The following CREM variants were observed in gnomAD, a reference collection of about 807,000 sequenced individuals.
CREM encodes the protein cAMP-responsive element modulator.
A neutral mutation model predicts 37.3 loss-of-function variants in CREM; 13 were observed. That is an observed-to-expected ratio of 0.35 (90% confidence interval 0.23 to 0.55). The LOEUF (loss-of-function observed/expected upper bound fraction) is 0.55, where lower values mean the gene tolerates loss of function less well. CREM is among the 20% of genes least tolerant of loss of function. The pLI is 0.88. For synonymous variants in CREM, 124 were observed against 120.2 expected (o/e 1.03, Z -0.21); for missense variants, 296 against 362.3 (o/e 0.82, Z 1.49).
chr10:35,198,250 C>T (rs1011835354), intron 6 of CREM, among the ~76,000 whole-genome samples: 1 of 152,166 alleles, frequency 6.6e-6, no homozygotes, highest in Admixed American at 6.5e-5. Flanking sequence ...ACTGGCCGGG[C>T]GCGGTGGCTC....
intron 5 of CREM, among the ~76,000 whole-genome samples, chr10:35,185,846 C>T (rs1007859691): frequency 6.6e-6 from 1 of 152,174 alleles, no homozygotes; most frequent in African/African-American, 2.4e-5. Flanking sequence ...ACAGAGAACG[C>T]AGCATGTGGA....
intron 6 of CREM, chr10:35,195,768 C>A: frequency 2.1e-6 from 1 of 469,478 alleles, no homozygotes; most frequent in South Asian, 2.5e-5. Flanking sequence ...TAATTGAGTT[C>A]AAAAGGCTGA....
intron 6 of CREM, among the ~76,000 whole-genome samples, chr10:35,192,371 CAG>C (rs2094953624): frequency 6.6e-6 from 1 of 152,122 alleles, no homozygotes; most frequent in Non-Finnish European, 1.5e-5. Flanking sequence ...TGTTTTGAGA[CAG>C]AGTCTCACTC....
chr10:35,191,687 T>A (rs1368056584), intron 6 of CREM, among the ~76,000 whole-genome samples: 1 of 152,128 alleles, frequency 6.6e-6, no homozygotes, highest in African/African-American at 2.4e-5. Context: ...TGCTCTTCTC[T>A]CTCTGCTGCT....
chr10:35,128,212 C>A lies in CREM; in HGVS notation c.-55+1019C>A, dbSNP rs143237887. 2.0e-5 allele frequency among the ~76,000 whole-genome samples: 3 copies of A among 152,282 alleles called. No individual in the cohort carries two copies. In the East Asian group the frequency reaches 5.8e-4, roughly 29 times the overall value. On this transcript the variant is annotated intron_variant, in intron 1 of 7. Transcript: ENST00000685392. Reference sequence around the variant, plus strand: ...GAGTTTGAAATCACTTAGGGGTTTCCTGCATGCTGCTCAGTGAAGCAGCGG... The same window carrying A: ...GAGTTTGAAATCACTTAGGGGTTTCATGCATGCTGCTCAGTGAAGCAGCGG...
chr10:35,153,425 A>G (rs1467863558), intron 3 of CREM, among the ~76,000 whole-genome samples: 1 of 152,194 alleles, frequency 6.6e-6, no homozygotes, highest in Non-Finnish European at 1.5e-5. Flanking sequence ...TTCTTATATA[A>G]CAAAATGTCA....
At chr10:35,143,327 A>T (rs1334845691) in intron 2 of CREM, among the ~76,000 whole-genome samples, 1 of 152,174 alleles carries the variant, frequency 6.6e-6, no homozygotes, top group East Asian at 1.9e-4. Flanking sequence ...AAGTGAAGAA[A>T]GGGGGAGGCA....
chr10:35,211,280 A>G lies in CREM; in HGVS notation c.782A>G (p.Lys261Arg), dbSNP rs1290272973. 1 of 1,613,924 alleles carries G rather than the reference A, an allele frequency of 6.2e-7. No individual in the cohort carries two copies. The highest frequency in any genetic ancestry group is 1.7e-5 in the Admixed American group (1 of 59,986). ...GAAGCTGCCCGGGAGTGTCGCAGGA[A>G]GAAGAAAGAATATGTCAAATGTCTT... Reference protein sequence around the residue: ...NREAARECRRKKKEYVKCLEN... With the variant: ...NREAARECRRRKKEYVKCLEN... The change falls in exon 8 of 8, where the codon AAG (lysine) becomes AGG (arginine). Residue 261 changes from lysine (K) to arginine (R), a missense_variant. Lys to Arg is a conservative substitution (Grantham distance 26). Around this residue, in one of 2 missense-constraint regions of CREM, gnomAD observed 39 missense variants for 82.0 expected, o/e 0.48. Coordinates refer to ENST00000685392, the MANE Select transcript of CREM (RefSeq NM_183011.2).
intron 2 of CREM, among the ~76,000 whole-genome samples, chr10:35,146,304 G>T (rs1007446637): frequency 6.6e-6 from 1 of 152,142 alleles, no homozygotes; most frequent in African/African-American, 2.4e-5. Context: ...GTGGGAAAAG[G>T]GTTTGTTTGG....
Position 35,157,380 on chromosome 10 carries a change from C to T in CREM, c.168+8889C>T, listed in dbSNP as rs7907183. Among the ~76,000 whole-genome samples the T allele has an allele frequency of 2.9e-3, 448 of 152,176 alleles. 3 individuals are homozygous for T. Among genetic ancestry groups the T allele is most frequent in the African/African-American group, 0.01 (435 of 41,524 alleles). ...GTGTGGTGGCTCACACCTGTAATCCCAGCACTTTGGGAGGTTGAGGCAGGC... is the reference window on the plus strand; with the variant it reads ...GTGTGGTGGCTCACACCTGTAATCCTAGCACTTTGGGAGGTTGAGGCAGGC... On this transcript the variant is annotated intron_variant, in intron 3 of 7. Transcript: ENST00000685392.
At chr10:35,205,778 G>C (rs1365211091) in intron 6 of CREM, among the ~76,000 whole-genome samples, 1 of 152,096 alleles carries the variant, frequency 6.6e-6, no homozygotes, top group Admixed American at 6.6e-5. Context: ...GGCCAACATG[G>C]CAAAACACCA....
chr10:35,151,667 C>G (rs1030909363), intron 3 of CREM, among the ~76,000 whole-genome samples: 6 of 152,212 alleles, frequency 3.9e-5, no homozygotes, highest in African/African-American at 1.4e-4. Flanking sequence ...AGCCACTGCA[C>G]CTGGCCTGTT....
chr10:35,141,702 T>C (rs1249727977), intron 2 of CREM, among the ~76,000 whole-genome samples: 1 of 152,014 alleles, frequency 6.6e-6, no homozygotes, highest in Non-Finnish European at 1.5e-5. Flanking sequence ...TGGCCTAGAG[T>C]CATGGGTTTA....
At chr10:35,163,236 AAAAT>A (rs1305278505) in intron 3 of CREM, among the ~76,000 whole-genome samples, 1 of 152,150 alleles carries the variant, frequency 6.6e-6, no homozygotes, top group African/African-American at 2.4e-5. Context: ...AAAATAAAAA[AAAAT>A]AGAGAACAAA....
rs1188801499 is a variant in CREM, at chr10:35,205,957, T to TA, written c.599-928dup. ...TGGAGCCACTTAGTGAGACTCTGTC[T>TA]AAAAAAAAAAGCCAGGCGCGATGGC... On this transcript the variant is annotated intron_variant, in intron 6 of 7. Coordinates refer to ENST00000685392, the MANE Select transcript of CREM (RefSeq NM_183011.2). 3.7e-3 allele frequency among the ~76,000 whole-genome samples: 518 copies of TA among 140,282 alleles called. 6 individuals are homozygous for TA. The highest frequency in any genetic ancestry group is 0.013 in the African/African-American group (496 of 37,782). 92.0% of individuals were successfully genotyped at this position (140,282 alleles called of 152,430 possible). A position where few individuals can be genotyped will look rare whatever the true frequency, so the allele number is the denominator to read the frequency against.
intron 3 of CREM, among the ~76,000 whole-genome samples, chr10:35,161,813 T>C (rs1004219746): frequency 3.3e-5 from 5 of 152,210 alleles, no homozygotes; most frequent in South Asian, 2.1e-4. Flanking sequence ...GGAACACTTA[T>C]ACACTGACGG....
At chr10:35,169,761 C>T (rs988371673) in intron 3 of CREM, among the ~76,000 whole-genome samples, 2 of 151,954 alleles carry the variant, frequency 1.3e-5, no homozygotes, top group Admixed American at 6.6e-5. Context: ...TTTTGAGATA[C>T]GTCCCATCAA....
chr10:35,162,773 G>T (rs2093359545), intron 3 of CREM, among the ~76,000 whole-genome samples: 1 of 152,168 alleles, frequency 6.6e-6, no homozygotes, highest in South Asian at 2.1e-4. Context: ...GTAGAGGCCA[G>T]TTGTAGCAAA....
rs756392835 is a variant in CREM at position 35,178,969 on chromosome 10, A to G, written c.249A>G (p.Ser83=). ...IDSHKRREIL[S]RRPSYRKILN... ...CTCATAAACGTAGAGAAATCCTTTCACGAAGACCCTCTTATAGGTAAGTTA... is the reference window on the plus strand; with the variant it reads ...CTCATAAACGTAGAGAAATCCTTTCGCGAAGACCCTCTTATAGGTAAGTTA... Residue 83 remains serine, a synonymous_variant, in exon 4 of 8, where the codon TCA becomes TCG. Transcript: ENST00000685392. 5 of 1,611,468 alleles carry G rather than the reference A, an allele frequency of 3.1e-6. No individual in the cohort carries two copies. The highest frequency in any genetic ancestry group is 4.2e-6 in the Non-Finnish European group (5 of 1,179,230).
Sources: gnomAD v4.1 joint callset for allele counts (sites outside exome capture counted in the v4.1 genomes callset) on GRCh38, gnomAD v4.1.1 for gene constraint, gnomAD v4.1.1 regional missense constraint, MANE v1.5 for transcripts, NCBI Gene and HGNC (gene_info 2026-07-23, HGNC 2026-07-21) for gene names.